The following WIPF1 variants were observed in gnomAD, a reference collection of about 807,000 sequenced individuals.
The protein encoded by WIPF1 is WAS/WASL interacting protein family member 1, also known as WAS/WASL-interacting protein family member 1.
A neutral mutation model predicts 35.4 loss-of-function variants in WIPF1; 13 were observed. The observed-to-expected ratio is 0.37, with a 90% CI of 0.24 to 0.58. The LOEUF (loss-of-function observed/expected upper bound fraction) is 0.58, where lower values mean the gene tolerates loss of function less well. WIPF1 is among the 20% of genes least tolerant of loss of function. The pLI is 0.74. For synonymous variants in WIPF1, 267 were observed against 266.3 expected (o/e 1.00, Z -0.02); for missense variants, 591 against 667.0 (o/e 0.89, Z 1.25).
At chr2:174,632,647 TGCA>T (rs1273570874) in intron 1 of WIPF1, among the ~76,000 whole-genome samples, 1 of 130,698 alleles carries the variant, frequency 7.7e-6, no homozygotes, top group African/African-American at 3.0e-5. Flanking sequence ...AGGCAGGGGT[TGCA>T]GTGAGCCGAG....
chr2:174,628,200 C>A (rs1330745790), intron 1 of WIPF1, among the ~76,000 whole-genome samples: 2 of 152,144 alleles, frequency 1.3e-5, no homozygotes, highest in African/African-American at 4.8e-5. Context: ...CCAGAATATA[C>A]CTTTCTGAGC....
intron 1 of WIPF1, among the ~76,000 whole-genome samples, chr2:174,613,453 G>A (rs1226310001): frequency 6.6e-6 from 1 of 152,168 alleles, no homozygotes; most frequent in Non-Finnish European, 1.5e-5. Flanking sequence ...GTTGTCCTGG[G>A]CTAGAAGGAC....
At chr2:174,635,111 C>T (rs1415660072) in intron 1 of WIPF1, among the ~76,000 whole-genome samples, 1 of 152,190 alleles carries the variant, frequency 6.6e-6, no homozygotes, top group African/African-American at 2.4e-5. Context: ...GCAACCATGG[C>T]TACACACCCT....
chr2:174,599,246 G>A (rs932311947), upstream of WIPF1, among the ~76,000 whole-genome samples: 24 of 152,142 alleles, frequency 1.6e-4, no homozygotes, highest in African/African-American at 5.6e-4. Flanking sequence ...GGTGGGGCCA[G>A]GAATGGGAAA....
chr2:174,637,153 T>C lies in WIPF1; in HGVS notation c.-39+45621A>G, dbSNP rs570048253. ...ATTTTAATTCAACAGTACTTTATTCTGTTGCTCAAATTGTTCCAGCTTCGG... is the reference window on the plus strand; with the variant it reads ...ATTTTAATTCAACAGTACTTTATTCCGTTGCTCAAATTGTTCCAGCTTCGG... On this transcript the variant is annotated intron_variant, in intron 1 of 8. Coordinates refer to the WIPF1 transcript ENST00000272746. 7.9e-5 allele frequency among the ~76,000 whole-genome samples: 12 copies of C among 152,360 alleles called. No homozygotes were observed. In the East Asian group the frequency reaches 2.3e-3, roughly 29 times the overall value.
At chr2:174,567,821 T>A in intron 6 of WIPF1, 40 bp downstream of exon 6, 1 of 1,518,436 alleles carries the variant, frequency 6.6e-7, no homozygotes, top group Non-Finnish European at 8.8e-7. Context: ...TACCATTTAG[T>A]TGCTGCCCTA....
intron 1 of WIPF1, among the ~76,000 whole-genome samples, chr2:174,651,147 G>A (rs1378185050): frequency 6.6e-6 from 1 of 152,190 alleles, no homozygotes. Flanking sequence ...CCAAGTGGAA[G>A]TACTAAGACT....
chr2:174,583,613 A>C (rs1457571640), intron 2 of WIPF1, among the ~76,000 whole-genome samples: 1 of 152,228 alleles, frequency 6.6e-6, no homozygotes, highest in Non-Finnish European at 1.5e-5. Flanking sequence ...TGATAAGATA[A>C]GCAAGGTTTC....
intron 1 of WIPF1, among the ~76,000 whole-genome samples, chr2:174,637,370 C>T (rs1266399494): frequency 6.6e-6 from 1 of 152,036 alleles, no homozygotes; most frequent in Non-Finnish European, 1.5e-5. Flanking sequence ...CAAAAGAATA[C>T]AAAAATAAAC....
chr2:174,652,176 T>G (rs1687546242), intron 1 of WIPF1, among the ~76,000 whole-genome samples: 1 of 152,110 alleles, frequency 6.6e-6, no homozygotes, highest in Admixed American at 6.5e-5. Context: ...AGTCACAACC[T>G]CTCCCCCATC....
intron 1 of WIPF1, among the ~76,000 whole-genome samples, chr2:174,671,793 A>G (rs1010695480): frequency 1.3e-5 from 2 of 152,006 alleles, no homozygotes; most frequent in Non-Finnish European, 2.9e-5. Flanking sequence ...AGTAAATTTT[A>G]GTCAGACAGG....
At chr2:174,654,287 T>G (rs1687599514) in intron 1 of WIPF1, among the ~76,000 whole-genome samples, 1 of 152,248 alleles carries the variant, frequency 6.6e-6, no homozygotes, top group Non-Finnish European at 1.5e-5. Flanking sequence ...GACAACAAAG[T>G]GTTCTACTAA....
chr2:174,677,600 T>C (rs1688162501), intron 1 of WIPF1, among the ~76,000 whole-genome samples: 1 of 152,244 alleles, frequency 6.6e-6, no homozygotes, highest in Non-Finnish European at 1.5e-5. Flanking sequence ...GAACCATGCT[T>C]ATCAAAGCTC....
rs185971868 is a variant in WIPF1 at position 174,618,591 on chromosome 2, G to A, written c.-38-32980C>T. On this transcript the variant is annotated intron_variant, in intron 1 of 8. Transcript: ENST00000272746. ...GTACTGAGCTCTGATTATGTGCTAA[G>A]GAGTGTTCTAGGTGCTTTTATAAGT... 5.9e-5 allele frequency among the ~76,000 whole-genome samples: 9 copies of A among 152,314 alleles called. No individual in the cohort carries two copies. In the East Asian group the frequency reaches 1.2e-3, roughly 20 times the overall value.
chr2:174,621,541 T>A (rs1574841744), intron 1 of WIPF1, among the ~76,000 whole-genome samples: 1 of 152,140 alleles, frequency 6.6e-6, no homozygotes, highest in East Asian at 1.9e-4. Flanking sequence ...CTTCCTCTTG[T>A]CTGTATATAG....
intron 1 of WIPF1, among the ~76,000 whole-genome samples, chr2:174,660,884 G>C (rs1687743746): frequency 6.6e-6 from 1 of 152,240 alleles, no homozygotes; most frequent in Admixed American, 6.5e-5. Context: ...CAGAAAAAGT[G>C]CATGATAAAT....
intron 1 of WIPF1, among the ~76,000 whole-genome samples, chr2:174,681,338 G>T (rs1251471534): frequency 6.6e-6 from 1 of 152,148 alleles, no homozygotes; most frequent in Non-Finnish European, 1.5e-5. Context: ...CGGCTGATAG[G>T]CAGGTAGACA....
At chr2:174,570,576 A>T (rs866874220) in intron 5 of WIPF1, 31 of 152,232 alleles carry the variant, frequency 2.0e-4, no homozygotes, top group African/African-American at 6.3e-4. Flanking sequence ...GCTGCACACT[A>T]TAATCACCAG....
chr2:174,562,421 T>A lies in WIPF1; in HGVS notation c.*126A>T, dbSNP rs149833766. ...CCCACCCACACACGCATATTCCCAC[T>A]CCCCCTCCCACCTTTCCTCCTGCCC... is the stretch of plus-strand genomic sequence containing the variant. On this transcript the variant is annotated 3_prime_UTR_variant, in exon 8 of 8. Transcript: ENST00000679041. 1.2e-3 allele frequency: 1,930 copies of A among 1,545,804 alleles called. 16 individuals carry two copies. The African/African-American group carries it at 0.017, about 13-fold the overall frequency.
Sources: allele counts gnomAD v4.1 joint callset (sites outside exome capture counted in the v4.1 genomes callset), GRCh38; gene constraint gnomAD v4.1.1; transcripts MANE v1.5; gene names NCBI Gene and HGNC (gene_info 2026-07-23, HGNC 2026-07-21).